FEM1A: variants seen among roughly 807,000 people sequenced by gnomAD.
FEM1A encodes the protein protein fem-1 homolog A.
A neutral mutation model predicts 0.7 loss-of-function variants in FEM1A; 1 was observed. The ratio of observed to expected loss-of-function variants is 1.35; its 90% CI spans 0.48 to 6.40. The LOEUF is 6.40. Ranked by LOEUF, FEM1A falls within the 30% of genes most tolerant of loss-of-function variation. The probability of loss-of-function intolerance (pLI) is 0.14; values close to 1 mark genes in which losing one functional copy is unlikely to be tolerated. For missense variants in FEM1A, 721 were observed against 918.7 expected (o/e 0.78, Z 2.78); for synonymous variants, 391 against 420.6 (o/e 0.93, Z 0.86).
rs1303779392 is a variant in FEM1A, at chr19:4,795,205, C to T, written c.*1341C>T. On this transcript the variant is annotated 3_prime_UTR_variant, in exon 1 of 1. Transcript: ENST00000269856. ...TTTGTCAAGAGCGAGACTCCATCAG[C>T]CCAGGCAGACGGGAGCAGGTTCTTG... 52 of 167,112 alleles carry T rather than the reference C, an allele frequency of 3.1e-4. No homozygotes were observed. Among genetic ancestry groups the T allele is most frequent in the Non-Finnish European group, 8.8e-5 (6 of 68,144 alleles). 10.4% of individuals were successfully genotyped at this position (167,112 alleles called of 1,614,324 possible).
At position 4,792,697 on chromosome 19, in the gene FEM1A, G is replaced by A. The variant is rs1005467505; in HGVS notation, c.843G>A (p.Leu281=). The change falls in exon 1 of 1, where the codon CTG becomes CTA. Residue 281 remains leucine (L), a synonymous_variant. Coordinates refer to ENST00000269856, the MANE Select transcript of FEM1A (RefSeq NM_018708.3). This position sits in a 1 kb window ranked among gnomAD's most constrained non-coding sequence, Gnocchi z 6.7. The part of the protein sequence containing the change: ...PCCSSSPEEP[L]NGESYESCCP... ...GCAGCTCCTCCCCAGAGGAACCACTGAACGGGGAATCTTACGAAAGCTGCT... is the reference window on the plus strand; with the variant it reads ...GCAGCTCCTCCCCAGAGGAACCACTAAACGGGGAATCTTACGAAAGCTGCT... 7 of 1,612,022 alleles carry A rather than the reference G, an allele frequency of 4.3e-6. No individual in the cohort carries two copies. In the African/African-American group the frequency reaches 9.3e-5, roughly 22 times the overall value.
Position 4,793,942 on chromosome 19 carries a change from G to A in FEM1A, c.*78G>A. On this transcript the variant is annotated 3_prime_UTR_variant, in exon 1 of 1. Coordinates refer to ENST00000269856, the MANE Select transcript of FEM1A (RefSeq NM_018708.3). This position sits in a 1 kb window ranked among gnomAD's most constrained non-coding sequence, Gnocchi z 5.1. ...GAAATCCGGCTGCGGCATAGCAGAT[G>A]CTCGTTCTTGCCTCCTTCAGGCACC... 1.4e-6 allele frequency: 2 copies of A among 1,399,984 alleles called. No individual in the cohort carries two copies. The highest frequency in any genetic ancestry group is 1.4e-5 in the South Asian group (1 of 73,942). 86.7% of individuals were successfully genotyped at this position (1,399,984 alleles called of 1,614,324 possible). A position where few individuals can be genotyped will look rare whatever the true frequency, so the allele number is the denominator to read the frequency against.
chr19:4,793,839 T>G lies in FEM1A; in HGVS notation c.1985T>G (p.Leu662Arg). ...TACAAGGGCTTCATCCCGGAAGATC[T>G]GGAGGCGTTCATCGAACTGCACTGA... ...IPYKGFIPED[L>R]EAFIELH The change falls in exon 1 of 1, where the codon CTG (leucine) becomes CGG (arginine). Residue 662 changes from leucine to arginine, a missense_variant. This residue lies in a region of FEM1A where 10 missense variants were observed against 25.3 expected (regional missense o/e 0.39). Transcript: ENST00000269856. The surrounding 1 kb of genome is among the most constrained non-coding windows in gnomAD (Gnocchi z 5.1). 1.2e-6 allele frequency: 2 copies of G among 1,607,302 alleles called. No individual in the cohort carries two copies. Among genetic ancestry groups the G allele is most frequent in the Non-Finnish European group, 1.7e-6 (2 of 1,177,854 alleles).
rs1406021188 is a variant in FEM1A at position 4,792,133 on chromosome 19, C to G, written c.279C>G (p.Ala93=). 9.2e-6 allele frequency: 14 copies of G among 1,519,616 alleles called. No individual in the cohort carries two copies. The highest frequency in any genetic ancestry group is 1.2e-5 in the Non-Finnish European group (14 of 1,139,398). The allele number at this position is 1,519,616 out of a possible 1,614,324, so 94.1% of individuals were successfully genotyped here. A position where few individuals can be genotyped will look rare whatever the true frequency, so the allele number is the denominator to read the frequency against. ...GAPPLWAASA[A]GHLDVVRSLL... ...CGCCGCTGTGGGCCGCCTCCGCAGCCGGCCACCTGGACGTGGTGCGGAGCC... is the reference window on the plus strand; with the variant it reads ...CGCCGCTGTGGGCCGCCTCCGCAGCGGGCCACCTGGACGTGGTGCGGAGCC... The change falls in exon 1 of 1, where the codon GCC becomes GCG. Residue 93 remains alanine, a synonymous_variant. Coordinates refer to ENST00000269856, the MANE Select transcript of FEM1A (RefSeq NM_018708.3). The surrounding 1 kb of genome is among the most constrained non-coding windows in gnomAD (Gnocchi z 6.7).
In FEM1A at chr19:4,794,071, G is replaced by C. The variant is rs2093558189; in HGVS notation, c.*207G>C. The C allele has an allele frequency of 6.7e-6, 4 of 595,136 alleles. No individual in the cohort carries two copies. Among genetic ancestry groups the C allele is most frequent in the Non-Finnish European group, 1.2e-5 (4 of 328,490 alleles). 36.9% of individuals were successfully genotyped at this position (595,136 alleles called of 1,614,324 possible). ...AAGCCTGCGGGGTCATGTGCTAAGA[G>C]GACAGTCTTTCTCCGGGAGCCCGCT... is the stretch of plus-strand genomic sequence containing the variant. On this transcript the variant is annotated 3_prime_UTR_variant, in exon 1 of 1. Coordinates refer to ENST00000269856, the MANE Select transcript of FEM1A (RefSeq NM_018708.3).
Position 4,792,931 on chromosome 19 carries a change from G to T in FEM1A, c.1077G>T (p.Glu359Asp). 1 of 1,612,362 alleles carries T rather than the reference G, an allele frequency of 6.2e-7. No individual in the cohort carries two copies. Among genetic ancestry groups the T allele is most frequent in the Non-Finnish European group, 8.5e-7 (1 of 1,179,762 alleles). The change falls in exon 1 of 1, where the codon GAG becomes GAT. Residue 359 changes from glutamate to aspartate, a missense_variant. Physicochemically the swap from Glu to Asp is conservative, Grantham distance 45. This residue lies in a region of FEM1A where 379 missense variants were observed against 454.8 expected (regional missense o/e 0.83). Transcript: ENST00000269856. This position sits in a 1 kb window ranked among gnomAD's most constrained non-coding sequence, Gnocchi z 6.7. ...DYSREVNTTE[E>D]LEALITDPDE... ...CCAGGGAGGTCAACACCACCGAGGAGCTGGAGGCGCTGATCACCGACCCGG... is the reference window on the plus strand; with the variant it reads ...CCAGGGAGGTCAACACCACCGAGGATCTGGAGGCGCTGATCACCGACCCGG...
chr19:4,791,803 C>G lies in FEM1A; in HGVS notation c.-52C>G. 1 of 1,432,994 alleles carries G rather than the reference C, an allele frequency of 7.0e-7. No individual in the cohort carries two copies. Among genetic ancestry groups the G allele is most frequent in the Non-Finnish European group, 9.2e-7 (1 of 1,090,974 alleles). The allele number at this position is 1,432,994 out of a possible 1,614,324, so 88.8% of individuals were successfully genotyped here. ...TCCCGCCCGTCCGGGCTCTGATCCT[C>G]CGTCTCCCCGTCCCCCGGCGGCCGG... On this transcript the variant is annotated 5_prime_UTR_variant, in exon 1 of 1. Coordinates refer to ENST00000269856, the MANE Select transcript of FEM1A (RefSeq NM_018708.3).
rs758801187 is a variant in FEM1A at position 4,794,762 on chromosome 19, C to T, written c.*898C>T. 6.0e-6 allele frequency: 1 copy of T among 166,912 alleles called. No homozygotes were observed. Among genetic ancestry groups the T allele is most frequent in the Non-Finnish European group, 1.5e-5 (1 of 68,110 alleles). The allele number at this position is 166,912 out of a possible 1,614,324, so 10.3% of individuals were successfully genotyped here. A position where few individuals can be genotyped will look rare whatever the true frequency, so the allele number is the denominator to read the frequency against. On this transcript the variant is annotated 3_prime_UTR_variant, in exon 1 of 1. Transcript: ENST00000269856. ...GCCTTTTACAGGCTTTCCGATTTTA[C>T]AGGCCTTTCCAAGTTTCCATTCTCC...
At position 4,797,174 on chromosome 19, in the gene FEM1A, T is replaced by C. The variant is rs1309473229; in HGVS notation, c.*3310T>C. ...GAAGGTCATCTTTTTTTTTTTTTTT[T>C]TTTTTTTTTGAGACGGAGTCTCTGT... On this transcript the variant is annotated 3_prime_UTR_variant, in exon 1 of 1. Transcript: ENST00000269856. The C allele has an allele frequency of 7.0e-6, 1 of 143,718 alleles. No homozygotes were observed. The highest frequency in any genetic ancestry group is 1.5e-5 in the Non-Finnish European group (1 of 65,720). The allele number at this position is 143,718 out of a possible 1,614,324, so 8.9% of individuals were successfully genotyped here. A position where few individuals can be genotyped will look rare whatever the true frequency, so the allele number is the denominator to read the frequency against.
Position 4,793,661 on chromosome 19 carries a change from G to A in FEM1A, c.1807G>A (p.Ala603Thr). ...CPAIMNALIE[A>T]GAHMDATNAF... ...GGCCATCATGAATGCCCTGATCGAAGCAGGGGCCCACATGGACGCCACCAA... is the reference window on the plus strand; with the variant it reads ...GGCCATCATGAATGCCCTGATCGAAACAGGGGCCCACATGGACGCCACCAA... Residue 603 changes from alanine (A) to threonine (T), a missense_variant, in exon 1 of 1, where the codon GCA (alanine) becomes ACA (threonine). By Grantham distance (58) the Ala-to-Thr change is moderately conservative. Around this residue, in one of 4 missense-constraint regions of FEM1A, gnomAD observed 379 missense variants for 454.8 expected, o/e 0.83. Transcript: ENST00000269856. The surrounding 1 kb of genome is among the most constrained non-coding windows in gnomAD (Gnocchi z 5.1). The A allele has an allele frequency of 1.2e-6, 2 of 1,613,034 alleles. No homozygotes were observed. Among genetic ancestry groups the A allele is most frequent in the East Asian group, 2.2e-5 (1 of 44,880 alleles).
In FEM1A at chr19:4,798,062, G is replaced by C. The variant is rs1157639453; in HGVS notation, c.*4198G>C. ...ATCCTGGCTAACACGGTGAAACCCC[G>C]TCTCTACTAAAAATACAAAAATTAG... On this transcript the variant is annotated 3_prime_UTR_variant, in exon 1 of 1. Coordinates refer to ENST00000269856, the MANE Select transcript of FEM1A (RefSeq NM_018708.3). 2 of 118,520 alleles carry C rather than the reference G, an allele frequency of 1.7e-5. No individual in the cohort carries two copies. Among genetic ancestry groups the C allele is most frequent in the East Asian group, 4.7e-4 (2 of 4,218 alleles). 7.3% of individuals were successfully genotyped at this position (118,520 alleles called of 1,614,324 possible).
chr19:4,793,864 AC>A lies in FEM1A; in HGVS notation c.*2del. ...TGGAGGCGTTCATCGAACTGCACTG[AC>A]CTGCCCAGAACGCCTGCACCCTCAC... On this transcript the variant is annotated 3_prime_UTR_variant, in exon 1 of 1. Transcript: ENST00000269856. This position sits in a 1 kb window ranked among gnomAD's most constrained non-coding sequence, Gnocchi z 5.1. 2 of 1,596,190 alleles carry A rather than the reference AC, an allele frequency of 1.3e-6. No homozygotes were observed. The highest frequency in any genetic ancestry group is 1.7e-6 in the Non-Finnish European group (2 of 1,172,658).
In FEM1A at chr19:4,799,461, A is replaced by T. The variant is rs1449782621; in HGVS notation, c.*5597A>T. 1 of 157,688 alleles carries T rather than the reference A, an allele frequency of 6.3e-6. No homozygotes were observed. The highest frequency in any genetic ancestry group is 6.5e-5 in the Admixed American group (1 of 15,482). 9.8% of individuals were successfully genotyped at this position (157,688 alleles called of 1,614,324 possible). A position where few individuals can be genotyped will look rare whatever the true frequency, so the allele number is the denominator to read the frequency against. On this transcript the variant is annotated 3_prime_UTR_variant, in exon 1 of 1. Coordinates refer to ENST00000269856, the MANE Select transcript of FEM1A (RefSeq NM_018708.3). ...CAAACAAACAAACAAAAAACTAAAA[A>T]CATCAAGATACGCTCTGATTGGACC... is the stretch of plus-strand genomic sequence containing the variant.
chr19:4,798,820 C>T lies in FEM1A; in HGVS notation c.*4956C>T, dbSNP rs1489860248. The T allele has an allele frequency of 2.0e-5, 3 of 152,168 alleles. No individual in the cohort carries two copies. Among genetic ancestry groups the T allele is most frequent in the Non-Finnish European group, 4.4e-5 (3 of 68,050 alleles). The allele number at this position is 152,168 out of a possible 1,614,324, so 9.4% of individuals were successfully genotyped here. A position where few individuals can be genotyped will look rare whatever the true frequency, so the allele number is the denominator to read the frequency against. The stretch of plus-strand genomic sequence containing the variant: ...CAGGTGGCCATCCTGCCTCCGCATC[C>T]TGAGCGTCTGTTTCCCTCGGGGATC... On this transcript the variant is annotated 3_prime_UTR_variant, in exon 1 of 1. Transcript: ENST00000269856.
In FEM1A at chr19:4,796,167, A is replaced by G; in HGVS notation, c.*2303A>G. ...CAGCACCTTGGGAAGCCTGGGCAAC[A>G]TAGTAAGACCTCTGTCTCTACATTT... On this transcript the variant is annotated 3_prime_UTR_variant, in exon 1 of 1. Coordinates refer to ENST00000269856, the MANE Select transcript of FEM1A (RefSeq NM_018708.3). The G allele has an allele frequency of 6.6e-6, 1 of 151,368 alleles. No individual in the cohort carries two copies. Among genetic ancestry groups the G allele is most frequent in the Non-Finnish European group, 1.5e-5 (1 of 67,938 alleles). 9.4% of individuals were successfully genotyped at this position (151,368 alleles called of 1,614,324 possible).
Position 4,792,879 on chromosome 19 carries a change from C to G in FEM1A, c.1025C>G (p.Pro342Arg), listed in dbSNP as rs148303242. Residue 342 changes from proline (P) to arginine (R), a missense_variant, in exon 1 of 1, where the codon CCA becomes CGA. Pro to Arg is a moderately radical substitution (Grantham distance 103). Coordinates refer to ENST00000269856, the MANE Select transcript of FEM1A (RefSeq NM_018708.3). The surrounding 1 kb of genome is among the most constrained non-coding windows in gnomAD (Gnocchi z 6.7). Reference sequence around the variant, plus strand: ...GAGTACCTGCCCAAACCGGAGCCCCCACAGCTGGTCCTGGCCTATGACTAT... The same window carrying G: ...GAGTACCTGCCCAAACCGGAGCCCCGACAGCTGGTCCTGGCCTATGACTAT... ...GGEYLPKPEP[P>R]QLVLAYDYSR... 1.5e-4 allele frequency: 248 copies of G among 1,612,286 alleles called. No individual in the cohort carries two copies. The highest frequency in any genetic ancestry group is 6.6e-4 in the Middle Eastern group (3 of 4,552).
rs2093562539 is a variant in FEM1A, at chr19:4,797,533, T to C, written c.*3669T>C. 6.6e-6 allele frequency: 1 copy of C among 151,944 alleles called. No individual in the cohort carries two copies. Among genetic ancestry groups the C allele is most frequent in the Non-Finnish European group, 1.5e-5 (1 of 68,024 alleles). The allele number at this position is 151,944 out of a possible 1,614,324, so 9.4% of individuals were successfully genotyped here. A position where few individuals can be genotyped will look rare whatever the true frequency, so the allele number is the denominator to read the frequency against. On this transcript the variant is annotated 3_prime_UTR_variant, in exon 1 of 1. Transcript: ENST00000269856. The stretch of plus-strand genomic sequence containing the variant: ...CAGATCCCAATTATTCCTAAAGACC[T>C]GGTTGATAGCTCCCTTGAGACTGGG...
Position 4,792,649 on chromosome 19 carries a change from G to A in FEM1A, c.795G>A (p.Ala265=), listed in dbSNP as rs769916821. 1.9e-6 allele frequency: 3 copies of A among 1,612,062 alleles called. No homozygotes were observed. The highest frequency in any genetic ancestry group is 4.5e-5 in the East Asian group (2 of 44,870). ...QEDPSTSQGC[A]QPQGAPCCSS... ...ACCCCTCCACCAGCCAGGGGTGTGC[G>A]CAGCCTCAGGGGGCTCCGTGCTGCA... The change falls in exon 1 of 1, where the codon GCG becomes GCA. Residue 265 remains alanine, a synonymous_variant. Coordinates refer to ENST00000269856, the MANE Select transcript of FEM1A (RefSeq NM_018708.3). This position sits in a 1 kb window ranked among gnomAD's most constrained non-coding sequence, Gnocchi z 6.7.
Position 4,793,402 on chromosome 19 carries a change from C to A in FEM1A, c.1548C>A (p.His516Gln). ...TGGAGTGCACCCCCAGCCAGGAGCA[C>A]CTGAAGCACCAGACCGTCTACCGCC... is the stretch of plus-strand genomic sequence containing the variant. The part of the protein sequence containing the change: ...EKVECTPSQE[H>Q]LKHQTVYRLL... Residue 516 changes from histidine to glutamine, a missense_variant, in exon 1 of 1, where the codon CAC becomes CAA. By Grantham distance (24) the His-to-Gln change is conservative. This residue lies in a region of FEM1A where 379 missense variants were observed against 454.8 expected (regional missense o/e 0.83). Transcript: ENST00000269856. The surrounding 1 kb of genome is among the most constrained non-coding windows in gnomAD (Gnocchi z 5.1). 1 of 1,612,208 alleles carries A rather than the reference C, an allele frequency of 6.2e-7. No individual in the cohort carries two copies. The highest frequency in any genetic ancestry group is 8.5e-7 in the Non-Finnish European group (1 of 1,179,862).
Sources: gnomAD v4.1 joint callset for allele counts on GRCh38, gnomAD v4.1.1 for gene constraint, gnomAD v4.1.1 regional missense constraint, Gnocchi (gnomAD v3.1) non-coding constraint, MANE v1.5 for transcripts, NCBI Gene and HGNC (gene_info 2026-07-23, HGNC 2026-07-21) for gene names.